The following PTPRM variants were observed in gnomAD, a reference collection of about 807,000 sequenced individuals.
The protein encoded by PTPRM is protein tyrosine phosphatase receptor type M.
Under a neutral mutation model 186.7 loss-of-function variants are expected in PTPRM, and 47 were observed. That is an observed-to-expected ratio of 0.25 (90% CI 0.20 to 0.32). The LOEUF is 0.32. Ranked by LOEUF, PTPRM falls within the 10% of genes least tolerant of loss-of-function variation. The pLI is 1.00. For missense variants in PTPRM, 1,494 were observed against 1,865.0 expected, an observed-to-expected ratio of 0.80 and a Z score of 3.66; for synonymous variants, 668 against 674.9, an observed-to-expected ratio of 0.99 and a Z score of 0.16.
At chr18:8,139,579 T>A (rs888622868) in intron 13 of PTPRM, among the ~76,000 whole-genome samples, 3 of 152,138 alleles carry the variant, frequency 2.0e-5, no homozygotes, top group African/African-American at 7.2e-5. Flanking sequence ...TAAGGAGGTG[T>A]CCCCACCCTA....
chr18:8,299,828 G>C (rs80205613), intron 20 of PTPRM, among the ~76,000 whole-genome samples: 4,159 of 152,214 alleles, frequency 0.027, 177 homozygotes, highest in South Asian at 0.099. Flanking sequence ...AACTTTTTCT[G>C]AAAGCCAGAC....
chr18:7,795,249 G>C (rs1201771592), intron 2 of PTPRM, among the ~76,000 whole-genome samples: 4 of 152,152 alleles, frequency 2.6e-5, no homozygotes, highest in Non-Finnish European at 5.9e-5. Flanking sequence ...AATTCTGTCA[G>C]TAAGCTCTTC....
At chr18:7,886,521 A>C (rs1027615719) in intron 2 of PTPRM, among the ~76,000 whole-genome samples, 8 of 152,178 alleles carry the variant, frequency 5.3e-5, no homozygotes, top group African/African-American at 1.9e-4. Flanking sequence ...CTGTTTTAAA[A>C]TAGCTACTAT....
chr18:8,294,736 A>G (rs2095077616), intron 19 of PTPRM, among the ~76,000 whole-genome samples: 1 of 152,244 alleles, frequency 6.6e-6, no homozygotes, highest in Non-Finnish European at 1.5e-5. Flanking sequence ...ATGAAGTGTT[A>G]CCTATGATCA....
intron 1 of PTPRM, among the ~76,000 whole-genome samples, chr18:7,688,069 C>G (rs1762869236): frequency 6.6e-6 from 1 of 152,092 alleles, no homozygotes; most frequent in Non-Finnish European, 1.5e-5. Context: ...GCCACTGTGC[C>G]TGGTCAAAAT....
intron 7 of PTPRM, among the ~76,000 whole-genome samples, chr18:7,965,874 C>G (rs17567086): frequency 0.037 from 5,589 of 152,302 alleles, 153 homozygotes; most frequent in Non-Finnish European, 0.05. Context: ...TGTGGGCTCA[C>G]TGGGACATAC....
chr18:8,371,145 C>T, intron 24 of PTPRM, 139 bp downstream of exon 24: 1 of 508,780 alleles, frequency 2.0e-6, no homozygotes, highest in Non-Finnish European at 3.5e-6. Context: ...CTCAAGATTG[C>T]ATCTTGCTCT....
intron 2 of PTPRM, among the ~76,000 whole-genome samples, chr18:7,824,756 A>G (rs1204635114): frequency 4.6e-5 from 7 of 152,132 alleles, no homozygotes; most frequent in African/African-American, 1.7e-4. Context: ...GATGTGGTAA[A>G]ACGAGAAAGC....
At chr18:8,127,418 GT>G (rs10700223) in intron 13 of PTPRM, among the ~76,000 whole-genome samples, 4,208 of 133,768 alleles carry the variant, frequency 0.031, 100 homozygotes, top group African/African-American at 0.072. Context: ...CAGCTGTATT[GT>G]TTTTTTTTTT....
At chr18:7,784,052 G>C (rs1212333271) in intron 2 of PTPRM, among the ~76,000 whole-genome samples, 1 of 152,030 alleles carries the variant, frequency 6.6e-6, no homozygotes, top group Non-Finnish European at 1.5e-5. Flanking sequence ...GGAAGGCCTT[G>C]AAAGTTCTGT....
At chr18:7,592,679 G>C (rs898142579) in intron 1 of PTPRM, among the ~76,000 whole-genome samples, 6 of 152,318 alleles carry the variant, frequency 3.9e-5, no homozygotes, top group Admixed American at 2.0e-4. Context: ...TAGTCAGCAG[G>C]GTCCTAGAAT....
intron 31 of PTPRM, among the ~76,000 whole-genome samples, chr18:8,390,694 T>C (rs747128819): frequency 5.1e-4 from 78 of 152,126 alleles, no homozygotes; most frequent in Non-Finnish European, 1.0e-3. Context: ...TTTGGGAGGC[T>C]GAGGCGGGTG....
intron 14 of PTPRM, among the ~76,000 whole-genome samples, chr18:8,224,694 G>C (rs1194556535): frequency 1.3e-5 from 2 of 152,144 alleles, no homozygotes; most frequent in African/African-American, 4.8e-5. Context: ...TTCCTTATTT[G>C]TTATGTGGCA....
intron 1 of PTPRM, among the ~76,000 whole-genome samples, chr18:7,692,891 A>C (rs2039764394): frequency 6.6e-6 from 1 of 152,206 alleles, no homozygotes; most frequent in African/African-American, 2.4e-5. Context: ...ATCCTTCCTT[A>C]ATTAACTTGC....
chr18:8,084,765 G>T (rs1268915169), intron 9 of PTPRM, among the ~76,000 whole-genome samples: 1 of 152,154 alleles, frequency 6.6e-6, no homozygotes, highest in African/African-American at 2.4e-5. Flanking sequence ...GTAGAAGTTA[G>T]TAATCACCAC....
intron 2 of PTPRM, among the ~76,000 whole-genome samples, chr18:7,792,528 C>A (rs2043392082): frequency 3.3e-5 from 5 of 152,108 alleles, no homozygotes; most frequent in Admixed American, 3.3e-4. Context: ...GTTATTTGGG[C>A]CTGCATTTCT....
At chr18:8,019,682 TA>T (rs1254973342) in intron 7 of PTPRM, among the ~76,000 whole-genome samples, 1 of 151,110 alleles carries the variant, frequency 6.6e-6, no homozygotes, top group Admixed American at 6.6e-5. Context: ...CAAGGAGGAT[TA>T]GGGGTGGTGC....
intron 1 of PTPRM, among the ~76,000 whole-genome samples, chr18:7,646,642 GA>G (rs1015025790): frequency 6.6e-6 from 1 of 152,062 alleles, no homozygotes; most frequent in Admixed American, 6.6e-5. Flanking sequence ...CTCTGCTCCA[GA>G]GCCTTCCTCT....
chr18:8,292,263 C>G lies in PTPRM; in HGVS notation c.2755-4105C>G, dbSNP rs543207506. On this transcript the variant is annotated intron_variant, in intron 19 of 32. Coordinates refer to ENST00000580170, the MANE Select transcript of PTPRM (RefSeq NM_001105244.2). The stretch of plus-strand genomic sequence containing the variant: ...TTCTCAGATATCTTGAACGTATATG[C>G]TAGAAAAAAGCCATAACATTCAAAA... Among the ~76,000 whole-genome samples the G allele has an allele frequency of 4.4e-3, 670 of 152,192 alleles. 2 individuals are homozygous for G. The highest frequency in any genetic ancestry group is 5.2e-3 in the Non-Finnish European group (357 of 68,006).
Sources: gnomAD v4.1 joint callset for allele counts (sites outside exome capture counted in the v4.1 genomes callset) on GRCh38, gnomAD v4.1.1 for gene constraint, MANE v1.5 for transcripts, NCBI Gene and HGNC (gene_info 2026-07-23, HGNC 2026-07-21) for gene names.